FBN1: variants seen among roughly 807,000 people sequenced by gnomAD.
FBN1 encodes the protein fibrillin-1.
FBN1 carries 29 observed loss-of-function variants against 365.1 expected under a neutral mutation model. The ratio of observed to expected loss-of-function variants is 0.08; its 90% CI spans 0.06 to 0.11. FBN1 has a LOEUF of 0.11. Among genes scored for constraint, FBN1 ranks in the 10% least tolerant of loss-of-function variants. FBN1 has a pLI of 1.00. For missense variants in FBN1, 2,476 were observed against 3,703.2 expected (o/e 0.67, Z 8.60); for synonymous variants, 1,210 against 1,270.5 (o/e 0.95, Z 1.01).
At chr15:48,503,702 T>C (rs558886276) in intron 17 of FBN1, 85 bp downstream of exon 17, 3 of 1,588,002 alleles carry the variant, frequency 1.9e-6, no homozygotes, top group Middle Eastern at 4.5e-4. Flanking sequence ...CAAAATGTCA[T>C]CTTCCCTGTG....
chr15:48,419,907 C>T (rs2042927135), intron 63 of FBN1, among the ~76,000 whole-genome samples: 1 of 152,202 alleles, frequency 6.6e-6, no homozygotes, highest in African/African-American at 2.4e-5. Flanking sequence ...GGCAGCTCTA[C>T]ATCAGAAAGT....
rs943284766 is a variant in FBN1, at chr15:48,437,238, T to C, written c.6379+84A>G. The C allele has an allele frequency of 4.6e-5, 62 of 1,361,434 alleles. No homozygotes were observed. Among genetic ancestry groups the C allele is most frequent in the Non-Finnish European group, 6.1e-5 (58 of 956,712 alleles). 84.3% of individuals were successfully genotyped at this position (1,361,434 alleles called of 1,614,324 possible). A position where few individuals can be genotyped will look rare whatever the true frequency, so the allele number is the denominator to read the frequency against. ...AAAAGTAGCACTTAATTTTCCAAGA[T>C]AGATGGAGAAAAATAAGAATAACTA... On this transcript the variant is annotated intron_variant, in intron 52 of 65. Coordinates refer to ENST00000316623, the MANE Select transcript of FBN1 (RefSeq NM_000138.5).
At chr15:48,537,552 AATG>A in intron 7 of FBN1, 56 bp downstream of exon 7, 1 of 1,601,048 alleles carries the variant, frequency 6.2e-7, no homozygotes, top group Non-Finnish European at 8.5e-7. Context: ...TTCATTGGAG[AATG>A]GCTCTCCAGA....
intron 47 of FBN1, 87 bp from the exon 48 acceptor site, chr15:48,445,591 C>T: frequency 1.3e-6 from 2 of 1,486,190 alleles, no homozygotes; most frequent in South Asian, 1.1e-5. Flanking sequence ...AGAAAAAATA[C>T]TTTTTCTGAA....
intron 32 of FBN1, among the ~76,000 whole-genome samples, chr15:48,476,037 A>C (rs1339141621): frequency 6.6e-6 from 1 of 152,212 alleles, no homozygotes; most frequent in African/African-American, 2.4e-5. Context: ...AGAGACACAT[A>C]GCTTTAGACT....
chr15:48,442,237 A>G (rs1434355276), intron 49 of FBN1, among the ~76,000 whole-genome samples: 1 of 152,162 alleles, frequency 6.6e-6, no homozygotes, highest in African/African-American at 2.4e-5. Context: ...CTTTAAGCAC[A>G]TTGCTAGTGA....
In FBN1 at chr15:48,493,106, C is replaced by CA. The variant is rs752464520; in HGVS notation, c.2729-521dup. 1.1e-3 allele frequency among the ~76,000 whole-genome samples: 166 copies of CA among 152,292 alleles called. 1 individual carries two copies. Among genetic ancestry groups the CA allele is most frequent in the Middle Eastern group, 6.8e-3 (2 of 294 alleles). ...ATCAATTCTAACTCAGCCATGGTCT[C>CA]AGGCTGTTCTGTCCATGCTTTGGTC... On this transcript the variant is annotated intron_variant, in intron 23 of 65. Coordinates refer to ENST00000316623, the MANE Select transcript of FBN1 (RefSeq NM_000138.5).
chr15:48,534,720 C>A (rs17460473), intron 7 of FBN1, among the ~76,000 whole-genome samples: 19,372 of 152,138 alleles, frequency 0.13, 1,295 homozygotes, highest in Non-Finnish European at 0.14. Flanking sequence ...AATGTTTTTG[C>A]GCAAATGAAG....
At chr15:48,633,625 T>C (rs1890032425) in intron 2 of FBN1, among the ~76,000 whole-genome samples, 1 of 152,182 alleles carries the variant, frequency 6.6e-6, no homozygotes, top group African/African-American at 2.4e-5. Flanking sequence ...AGGGTAGTAC[T>C]GAGGATCTAA....
At chr15:48,475,017 T>C (rs1172620138) in intron 32 of FBN1, among the ~76,000 whole-genome samples, 1 of 150,150 alleles carries the variant, frequency 6.7e-6, no homozygotes, top group African/African-American at 2.5e-5. Flanking sequence ...GTAAGTCAAC[T>C]ATGGAGTAAT....
chr15:48,516,124 A>T (rs1395922308), intron 11 of FBN1, 59 bp downstream of exon 11: 53 of 1,472,726 alleles, frequency 3.6e-5, no homozygotes, highest in Non-Finnish European at 4.5e-5. Flanking sequence ...AATAAATAAT[A>T]AAAAAATGTT....
chr15:48,503,978 C>A (rs778951828), intron 16 of FBN1, 39 bp from the exon 17 acceptor site: 1 of 1,612,630 alleles, frequency 6.2e-7, no homozygotes, highest in Admixed American at 1.7e-5. Context: ...ACTGTCACTT[C>A]AAACAGATGA....
intron 56 of FBN1, 80 bp downstream of exon 56, chr15:48,430,591 C>G (rs934327642): frequency 6.4e-7 from 1 of 1,553,914 alleles, no homozygotes; most frequent in Admixed American, 1.7e-5. Context: ...AACAGTATCC[C>G]AAGAACTCAG....
chr15:48,412,292 T>C (rs1423976135), intron 65 of FBN1, among the ~76,000 whole-genome samples: 1 of 152,218 alleles, frequency 6.6e-6, no homozygotes, highest in African/African-American at 2.4e-5. Flanking sequence ...ACCTTATCCT[T>C]TCAGCAGACT....
chr15:48,414,753 G>A (rs1026151496), intron 64 of FBN1, among the ~76,000 whole-genome samples: 7 of 152,022 alleles, frequency 4.6e-5, no homozygotes, highest in Admixed American at 2.0e-4. Context: ...AAAATTAGCC[G>A]GGCGTGGTGG....
Position 48,524,004 on chromosome 15 carries a change from G to A in FBN1, c.988+2126C>T, listed in dbSNP as rs182713175. ...TGGATTAAATAGGCGTTTGCAGGTC[G>A]TCTAGCCTGTCAACAGGCTTCTCCT... On this transcript the variant is annotated intron_variant, in intron 9 of 65. Transcript: ENST00000316623. Among the ~76,000 whole-genome samples, 287 of 152,232 alleles carry A rather than the reference G, an allele frequency of 1.9e-3. 2 individuals are homozygous for A. In the South Asian group the frequency reaches 0.022, roughly 12 times the overall value.
intron 6 of FBN1, among the ~76,000 whole-genome samples, chr15:48,543,360 C>T (rs2044072564): frequency 6.6e-6 from 1 of 152,122 alleles, no homozygotes; most frequent in African/African-American, 2.4e-5. Flanking sequence ...AAATACAAGG[C>T]CTATTTAGCA....
At position 48,596,344 on chromosome 15, in the gene FBN1, C is replaced by T. The variant is rs1456579664; in HGVS notation, c.477G>A (p.Arg159=). 3.7e-6 allele frequency: 6 copies of T among 1,614,080 alleles called. No individual in the cohort carries two copies. In the African/African-American group the frequency reaches 4.0e-5, roughly 11 times the overall value. ...ATGCACATCGATTTGGGGCCACACA[C>T]CTTCCTCCATTGAGACAGCCACTTT... ...VCESGCLNGG[R]CVAPNRCACT... Residue 159 remains arginine (R), a synonymous_variant, in exon 6 of 66, where the codon AGG becomes AGA. Coordinates refer to ENST00000316623, the MANE Select transcript of FBN1 (RefSeq NM_000138.5).
chr15:48,587,592 T>G (rs2044447377), intron 6 of FBN1, among the ~76,000 whole-genome samples: 1 of 152,210 alleles, frequency 6.6e-6, no homozygotes, highest in African/African-American at 2.4e-5. Context: ...CCTCTAAATC[T>G]GTACTAACTC....
Sources: allele counts gnomAD v4.1 joint callset (sites outside exome capture counted in the v4.1 genomes callset), GRCh38; gene constraint gnomAD v4.1.1; transcripts MANE v1.5; gene names NCBI Gene and HGNC (gene_info 2026-07-23, HGNC 2026-07-21).